Variants in WSB2 observed in about 807,000 individuals in gnomAD.
WSB2 encodes WD repeat and SOCS box-containing protein 2.
WSB2 carries 12 observed loss-of-function variants against 48.8 expected under a neutral mutation model. The ratio of observed to expected loss-of-function variants is 0.25; its 90% CI spans 0.16 to 0.40. The LOEUF (loss-of-function observed/expected upper bound fraction) is 0.40, where lower values mean the gene tolerates loss of function less well. Ranked by LOEUF, WSB2 falls within the 10% of genes least tolerant of loss-of-function variation. The pLI is 1.00. For missense variants in WSB2, 317 were observed against 506.2 expected (o/e 0.63, Z 3.59); for synonymous variants, 191 against 203.1 (o/e 0.94, Z 0.51).
intron 5 of WSB2, among the ~76,000 whole-genome samples, chr12:118,037,678 A>AAAAAAG (rs1555267591): frequency 1.8e-3 from 279 of 151,444 alleles, no homozygotes; most frequent in East Asian, 7.0e-3. Flanking sequence ...AAAAAAAAAA[A>AAAAAAG]AAAAGAAAAG....
upstream of WSB2, among the ~76,000 whole-genome samples, chr12:118,061,622 C>G (rs1035473447): frequency 6.7e-6 from 1 of 149,418 alleles, no homozygotes; most frequent in African/African-American, 2.5e-5. Context: ...AGAGAAAAAC[C>G]AAGCAGGGGA....
chr12:118,061,449 GTTGTGCGGGGTCCTGAGGGGAAC>G (rs1011073915), upstream of WSB2, among the ~76,000 whole-genome samples: 2 of 151,040 alleles, frequency 1.3e-5, no homozygotes, highest in African/African-American at 4.9e-5. Flanking sequence ...AAACCCAGGG[GTTGTGCGGGGTCCTGAGGGGAAC>G]CAGCGCCGGA....
At chr12:118,050,357 AAC>A (rs2031827047) in intron 2 of WSB2, among the ~76,000 whole-genome samples, 1 of 151,926 alleles carries the variant, frequency 6.6e-6, no homozygotes, top group Non-Finnish European at 1.5e-5. Flanking sequence ...TGGTATTAGA[AAC>A]TAAACTTGGC....
Position 118,036,468 on chromosome 12 carries a change from G to A in WSB2, c.703C>T (p.Leu235=). 6.2e-7 allele frequency: 1 copy of A among 1,614,176 alleles called. No individual in the cohort carries two copies. The highest frequency in any genetic ancestry group is 8.5e-7 in the Non-Finnish European group (1 of 1,180,022). Reference sequence around the variant, plus strand: ...ACAACACTGCTTTGATGGCCCTCTAGCTTCCGAATTAACGTGTAGGACCTC... The same window carrying A: ...ACAACACTGCTTTGATGGCCCTCTAACTTCCGAATTAACGTGTAGGACCTC... ...SMRSYTLIRK[L]EGHQSSVVSC... Residue 235 remains leucine, a synonymous_variant, in exon 6 of 9, where the codon CTA becomes TTA. Transcript: ENST00000315436.
chr12:118,062,019 G>A, upstream of WSB2: 1 of 1,378,960 alleles, frequency 7.3e-7, no homozygotes, highest in Non-Finnish European at 9.8e-7. Context: ...AGGAGGGCAG[G>A]GTGAAAACCG....
chr12:118,059,785 A>G (rs1046440414), intron 1 of WSB2, among the ~76,000 whole-genome samples: 14 of 152,252 alleles, frequency 9.2e-5, no homozygotes, highest in African/African-American at 2.7e-4. Context: ...TTCTACGGGT[A>G]ACACTCACTG....
intron 2 of WSB2, among the ~76,000 whole-genome samples, chr12:118,051,920 G>A (rs2137792004): frequency 6.6e-6 from 1 of 152,294 alleles, no homozygotes; most frequent in African/African-American, 2.4e-5. Flanking sequence ...GTTGTAGTGA[G>A]CCAAGATTGC....
rs1263747053 is a variant in WSB2 at position 118,060,742 on chromosome 12, C to G, written c.13+294G>C. ...TGGTGCCCCCCGCCCCGAGTCCCAC[C>G]CGGGAGCCCCCTCTGTCCCGGTCGG... On this transcript the variant is annotated intron_variant, in intron 1 of 8. Transcript: ENST00000315436. This position sits in a 1 kb window ranked among gnomAD's most constrained non-coding sequence, Gnocchi z 4.1. Among the ~76,000 whole-genome samples the G allele has an allele frequency of 1.3e-5, 2 of 151,942 alleles. No individual in the cohort carries two copies. The highest frequency in any genetic ancestry group is 1.5e-5 in the Non-Finnish European group (1 of 67,942).
intron 8 of WSB2, chr12:118,034,643 G>C: frequency 2.1e-6 from 1 of 486,894 alleles, no homozygotes; most frequent in East Asian, 3.4e-5. Flanking sequence ...AGTATAAGGG[G>C]GAAGAGTGCC....
intron 2 of WSB2, among the ~76,000 whole-genome samples, chr12:118,047,722 A>G (rs1593469409): frequency 6.6e-6 from 1 of 152,294 alleles, no homozygotes; most frequent in East Asian, 1.9e-4. Context: ...CTGCCCCCCA[A>G]AAAGCCCGAT....
intron 3 of WSB2, 74 bp from the exon 4 acceptor site, chr12:118,043,046 G>A: frequency 6.2e-7 from 1 of 1,613,568 alleles, no homozygotes; most frequent in Non-Finnish European, 8.5e-7. Context: ...CACACCCCTT[G>A]GCCAACGTGA....
upstream of WSB2, chr12:118,062,161 A>G (rs2032084426): frequency 5.9e-6 from 9 of 1,535,366 alleles, no homozygotes; most frequent in East Asian, 9.8e-5. Flanking sequence ...GTCTACCCGC[A>G]TAGCCTCAAG....
Position 118,060,183 on chromosome 12 carries a change from C to A in WSB2, c.13+853G>T, listed in dbSNP as rs1047168063. On this transcript the variant is annotated intron_variant, in intron 1 of 8. Transcript: ENST00000315436. The surrounding 1 kb of genome is among the most constrained non-coding windows in gnomAD (Gnocchi z 4.1). ...GTCGTTGGAGGGGAGAGGGCCAAGG[C>A]GTGCATGCGTCTTGGGGTTTTTTTC... 3.3e-5 allele frequency among the ~76,000 whole-genome samples: 5 copies of A among 152,144 alleles called. No individual in the cohort carries two copies. The highest frequency in any genetic ancestry group is 1.2e-4 in the African/African-American group (5 of 41,438).
chr12:118,034,725 C>T, intron 8 of WSB2: 1 of 530,504 alleles, frequency 1.9e-6, no homozygotes, highest in South Asian at 2.6e-5. Flanking sequence ...TATTATGCAT[C>T]ATCTCAATTT....
chr12:118,062,123 C>T (rs2032083232), upstream of WSB2: 1 of 1,535,284 alleles, frequency 6.5e-7, no homozygotes, highest in South Asian at 1.2e-5. Context: ...TCGCCTGTCC[C>T]CGTCCCCCTG....
Position 118,052,605 on chromosome 12 carries a change from A to T in WSB2, c.14-127T>A, listed in dbSNP as rs571106524. 1.9e-4 allele frequency: 278 copies of T among 1,448,754 alleles called. 5 individuals carry two copies. The South Asian group carries it at 3.3e-3, about 17-fold the overall frequency. The allele number at this position is 1,448,754 out of a possible 1,614,324, so 89.7% of individuals were successfully genotyped here. On this transcript the variant is annotated intron_variant, in intron 1 of 8. Coordinates refer to ENST00000315436, the MANE Select transcript of WSB2 (RefSeq NM_018639.5). ...CCATTCCCAGAGGGAGTTGTCACTT[A>T]AATGACCCAGGGCAATAACAGCAGC...
chr12:118,051,460 T>C (rs1382541385), intron 2 of WSB2, among the ~76,000 whole-genome samples: 1 of 152,222 alleles, frequency 6.6e-6, no homozygotes, highest in Non-Finnish European at 1.5e-5. Flanking sequence ...TAGTATATGC[T>C]AGAATACGGA....
chr12:118,045,952 G>C (rs2031736990), intron 2 of WSB2, among the ~76,000 whole-genome samples: 1 of 152,116 alleles, frequency 6.6e-6, no homozygotes, highest in Non-Finnish European at 1.5e-5. Flanking sequence ...TGCAGTATTT[G>C]TCTCTCTGTG....
At position 118,061,143 on chromosome 12, in the gene WSB2, G is replaced by C; in HGVS notation, c.-95C>G. On this transcript the variant is annotated 5_prime_UTR_variant, in exon 1 of 9. Coordinates refer to ENST00000315436, the MANE Select transcript of WSB2 (RefSeq NM_018639.5). Reference sequence around the variant, plus strand: ...GCCCCCGCGCCGCCCGCCCCGGCCAGGCCGCCGCCGCCGCCCGGAGAGGCC... The same window carrying C: ...GCCCCCGCGCCGCCCGCCCCGGCCACGCCGCCGCCGCCGCCCGGAGAGGCC... 1 of 981,876 alleles carries C rather than the reference G, an allele frequency of 1.0e-6. No homozygotes were observed. The highest frequency in any genetic ancestry group is 1.2e-6 in the Non-Finnish European group (1 of 828,410). 60.8% of individuals were successfully genotyped at this position (981,876 alleles called of 1,614,324 possible).
Sources: gnomAD v4.1 joint callset for allele counts (sites outside exome capture counted in the v4.1 genomes callset) on GRCh38, gnomAD v4.1.1 for gene constraint, Gnocchi (gnomAD v3.1) non-coding constraint, MANE v1.5 for transcripts, NCBI Gene and HGNC (gene_info 2026-07-23, HGNC 2026-07-21) for gene names.